The following DDHD2 variants were observed in gnomAD, a reference collection of about 807,000 sequenced individuals.
DDHD2 encodes DDHD domain containing 2.
Under a neutral mutation model 91.2 loss-of-function variants are expected in DDHD2, and 62 were observed. The ratio of observed to expected loss-of-function variants is 0.68; its 90% CI spans 0.55 to 0.84. The LOEUF (loss-of-function observed/expected upper bound fraction) is 0.84, where lower values mean the gene tolerates loss of function less well. Among genes scored for constraint, DDHD2 ranks in the 40% least tolerant of loss-of-function variants. The pLI, the probability that DDHD2 is intolerant of heterozygous loss-of-function variation, is 0.00. For synonymous variants in DDHD2, 271 were observed against 293.9 expected, an observed-to-expected ratio of 0.92 and a Z score of 0.80; for missense variants, 740 against 846.9, an observed-to-expected ratio of 0.87 and a Z score of 1.57.
intron 3 of DDHD2, among the ~76,000 whole-genome samples, chr8:38,235,366 C>T (rs983804668): frequency 1.3e-5 from 2 of 151,912 alleles, no homozygotes; most frequent in Non-Finnish European, 2.9e-5. Context: ...AGCTACTGTG[C>T]TTGGCCTTTT....
rs1379691757 is a variant in DDHD2 at position 38,261,314 on chromosome 8, C to T, written c.*741C>T. The T allele has an allele frequency of 6.6e-6, 1 of 152,154 alleles. No homozygotes were observed. Among genetic ancestry groups the T allele is most frequent in the African/African-American group, 2.4e-5 (1 of 41,432 alleles). The allele number at this position is 152,154 out of a possible 1,614,324, so 9.4% of individuals were successfully genotyped here. A position where few individuals can be genotyped will look rare whatever the true frequency, so the allele number is the denominator to read the frequency against. Reference sequence around the variant, plus strand: ...TTTATAAAGCAAAGATGTTGTATATCCTAGGCCTCCCTTTTATATTTGATA... The same window carrying T: ...TTTATAAAGCAAAGATGTTGTATATTCTAGGCCTCCCTTTTATATTTGATA... On this transcript the variant is annotated 3_prime_UTR_variant, in exon 18 of 18. Coordinates refer to ENST00000397166, the MANE Select transcript of DDHD2 (RefSeq NM_015214.3).
intron 16 of DDHD2, among the ~76,000 whole-genome samples, chr8:38,255,713 T>C (rs527271809): frequency 6.6e-6 from 1 of 152,186 alleles, no homozygotes; most frequent in East Asian, 1.9e-4. Context: ...TTTAGCTGCA[T>C]AGTCTTCCGT....
chr8:38,268,494 C>CA (rs548817461), intron 1 of DDHD2: 363 of 1,545,044 alleles, frequency 2.3e-4, no homozygotes, highest in African/African-American at 2.0e-3. Context: ...AAAAACAATC[C>CA]AAAAAAAAGC....
intron 7 of DDHD2, among the ~76,000 whole-genome samples, chr8:38,242,714 AC>A: frequency 6.6e-6 from 1 of 152,316 alleles, no homozygotes; most frequent in African/African-American, 2.4e-5. Context: ...CCCAAGATGT[AC>A]AAAGTATTTT....
At chr8:38,272,874 TTTCTC>T (rs1259006214), downstream of DDHD2, 3 of 152,200 alleles carry the variant, frequency 2.0e-5, no homozygotes, top group Non-Finnish European at 2.9e-5. Flanking sequence ...AAAGGACAAT[TTTCTC>T]TTTCTGCATC....
At chr8:38,265,884 T>C (rs1483369941), downstream of DDHD2, among the ~76,000 whole-genome samples, 2 of 152,270 alleles carry the variant, frequency 1.3e-5, no homozygotes, top group African/African-American at 4.8e-5. Context: ...TTTGAGGTTT[T>C]AAATTTCCTG....
intron 6 of DDHD2, among the ~76,000 whole-genome samples, chr8:38,241,317 T>A (rs1161400519): frequency 6.6e-6 from 1 of 152,102 alleles, no homozygotes; most frequent in African/African-American, 2.4e-5. Flanking sequence ...ACTGTTGTTA[T>A]ATTGTCATGT....
intron 8 of DDHD2, 31 bp downstream of exon 8, chr8:38,245,981 A>C (rs1200199303): frequency 6.3e-7 from 1 of 1,579,106 alleles, no homozygotes; most frequent in Non-Finnish European, 8.7e-7. Flanking sequence ...TGACCAGAGA[A>C]GACTATCACA....
At chr8:38,252,681 G>A (rs1348468651) in intron 13 of DDHD2, 41 bp from the exon 14 acceptor site, 1 of 1,409,442 alleles carries the variant, frequency 7.1e-7, no homozygotes. Context: ...TCCAGACTGT[G>A]CTTAGCAGAG....
In DDHD2 at chr8:38,242,311, A is replaced by T; in HGVS notation, c.774A>T (p.Glu258Asp). The change falls in exon 7 of 18, where the codon GAA becomes GAT. Residue 258 changes from glutamate to aspartate, a missense_variant. Coordinates refer to ENST00000397166, the MANE Select transcript of DDHD2 (RefSeq NM_015214.3). ...AGACACATTTTAAGAAAGCCCAAGA[A>T]AATCAGCAGATTGGGAGGGTAGAAT... ...LLQTHFKKAQ[E>D]NQQIGRVEFL... is the part of the protein sequence containing the mutation. The T allele has an allele frequency of 6.2e-7, 1 of 1,608,122 alleles. No individual in the cohort carries two copies. The highest frequency in any genetic ancestry group is 8.5e-7 in the Non-Finnish European group (1 of 1,178,402).
At chr8:38,248,955 A>C (rs918447483) in intron 10 of DDHD2, among the ~76,000 whole-genome samples, 3 of 151,370 alleles carry the variant, frequency 2.0e-5, no homozygotes, top group Non-Finnish European at 2.9e-5. Flanking sequence ...AAAAAAAAAA[A>C]AAAAAAACGA....
chr8:38,258,200 C>G (rs919901768), intron 16 of DDHD2, among the ~76,000 whole-genome samples: 4 of 151,882 alleles, frequency 2.6e-5, no homozygotes, highest in Non-Finnish European at 5.9e-5. Context: ...TCCTTTTTTC[C>G]CCACGTCTCA....
downstream of DDHD2, chr8:38,267,748 G>T: frequency 1.2e-6 from 1 of 812,638 alleles, no homozygotes; most frequent in Non-Finnish European, 1.9e-6. Flanking sequence ...GTATGGGGAA[G>T]GGAGTAAGCG....
intron 3 of DDHD2, among the ~76,000 whole-genome samples, chr8:38,236,816 G>A (rs781145803): frequency 3.5e-4 from 53 of 151,576 alleles, no homozygotes; most frequent in Middle Eastern, 3.2e-3. Flanking sequence ...CACCGCGCCC[G>A]GCTCACACTG....
Position 38,249,304 on chromosome 8 carries a change from C to T in DDHD2, c.1249-404C>T, listed in dbSNP as rs144137822. Among the ~76,000 whole-genome samples the T allele has an allele frequency of 1.4e-3, 207 of 151,122 alleles. 1 individual carries two copies. Among genetic ancestry groups the T allele is most frequent in the African/African-American group, 4.3e-3 (178 of 41,186 alleles). ...ATTTTTTTTGTATTTTTAGTAGAGA[C>T]GGGGTTTCACCATGGTCTCCATCTC... is the stretch of plus-strand genomic sequence containing the variant. On this transcript the variant is annotated intron_variant, in intron 10 of 17. Coordinates refer to ENST00000397166, the MANE Select transcript of DDHD2 (RefSeq NM_015214.3).
At chr8:38,251,816 C>G in intron 11 of DDHD2, 96 bp from the exon 12 acceptor site, 1 of 790,526 alleles carries the variant, frequency 1.3e-6, no homozygotes, top group East Asian at 2.6e-5. Context: ...TTAAACAATC[C>G]TACCTACCTA....
At chr8:38,264,887 CAG>C, downstream of DDHD2, 1 of 1,612,464 alleles carries the variant, frequency 6.2e-7, no homozygotes, top group South Asian at 1.1e-5. Context: ...TTTTCTAACT[CAG>C]AAGAGTAACA....
chr8:38,268,064 CAACCAGGCCTGGGCACA>C (rs550254840), intron 1 of DDHD2: 181 of 1,571,716 alleles, frequency 1.2e-4, no homozygotes, highest in Middle Eastern at 5.9e-4. Context: ...GGATAGAATC[CAACCAGGCCTGGGCACA>C]AAAATAATTA....
At chr8:38,245,107 C>T (rs1805523543) in intron 7 of DDHD2, among the ~76,000 whole-genome samples, 1 of 151,588 alleles carries the variant, frequency 6.6e-6, no homozygotes, top group Non-Finnish European at 1.5e-5. Flanking sequence ...AAAGCCCATA[C>T]CTTGCAATTA....
Sources: gnomAD v4.1 joint callset for allele counts (sites outside exome capture counted in the v4.1 genomes callset) on GRCh38, gnomAD v4.1.1 for gene constraint, MANE v1.5 for transcripts, NCBI Gene and HGNC (gene_info 2026-07-23, HGNC 2026-07-21) for gene names.